Variants in CPAMD8 observed in about 807,000 individuals in gnomAD.
The protein encoded by CPAMD8 is C3 and PZP-like alpha-2-macroglobulin domain-containing protein 8.
In CPAMD8, 146 loss-of-function variants were observed where a neutral mutation model predicts 224.7. That is an observed-to-expected ratio of 0.65 (90% CI 0.57 to 0.75). The LOEUF (loss-of-function observed/expected upper bound fraction) is 0.75. Among genes scored for constraint, CPAMD8 ranks in the 30% least tolerant of loss-of-function variants. The pLI, the probability that CPAMD8 is intolerant of heterozygous loss-of-function variation, is 0.00. For synonymous variants in CPAMD8, 966 were observed against 1,044.6 expected, an observed-to-expected ratio of 0.92 and a Z score of 1.45; for missense variants, 2,301 against 2,537.5, an observed-to-expected ratio of 0.91 and a Z score of 2.00.
In CPAMD8 at chr19:16,957,689, G is replaced by A. The variant is rs2054515504; in HGVS notation, c.2276+164C>T. The A allele has an allele frequency of 4.3e-6, 3 of 690,220 alleles. No individual in the cohort carries two copies. In the East Asian group the frequency reaches 7.5e-5, roughly 17 times the overall value. 42.8% of individuals were successfully genotyped at this position (690,220 alleles called of 1,614,324 possible). ...CGTCCAAATGTGCAGCGGGACTCAA[G>A]GCTGGCTTCATGGCTTGAAGTTTTG... On this transcript the variant is annotated intron_variant, in intron 19 of 41. Transcript: ENST00000443236.
Position 16,904,464 on chromosome 19 carries a change from A to C in CPAMD8, c.4114+2T>G. 1 of 1,613,886 alleles carries C rather than the reference A, an allele frequency of 6.2e-7. No homozygotes were observed. The highest frequency in any genetic ancestry group is 8.5e-7 in the Non-Finnish European group (1 of 1,179,772). ...GCACCCGGGAGCTGGGGTGGCCAGT[A>C]CCTGACTGAGAGACCCTGTCACTGA... is the stretch of plus-strand genomic sequence containing the variant. On this transcript the variant is annotated splice_donor_variant, in intron 31 of 41. Coordinates refer to ENST00000443236, the MANE Select transcript of CPAMD8 (RefSeq NM_015692.5). LOFTEE classifies it high-confidence loss of function.
At position 16,896,059 on chromosome 19, in the gene CPAMD8, G is replaced by GGGGGTCGGGGCGGGGCGGA. The variant is rs1568442617; in HGVS notation, c.5426+98_5426+116dup. Reference sequence around the variant, plus strand: ...CCCTGAGTCACTCCCACTGCCAGTGGGGGGTCGGGGCGGGGCGGAGGAGTC... The same window carrying GGGGGTCGGGGCGGGGCGGA: ...CCCTGAGTCACTCCCACTGCCAGTGGGGGGTCGGGGCGGGGCGGAGGGGTCGGGGCGGGGCGGAGGAGTC... On this transcript the variant is annotated intron_variant, in intron 41 of 41. Coordinates refer to ENST00000443236, the MANE Select transcript of CPAMD8 (RefSeq NM_015692.5). 20 of 1,148,712 alleles carry GGGGGTCGGGGCGGGGCGGA rather than the reference G, an allele frequency of 1.7e-5. No individual in the cohort carries two copies. The East Asian group carries it at 4.3e-4, about 24-fold the overall frequency. The allele number at this position is 1,148,712 out of a possible 1,614,324, so 71.2% of individuals were successfully genotyped here.
intron 29 of CPAMD8, among the ~76,000 whole-genome samples, chr19:16,912,538 C>A (rs148751726): frequency 0.027 from 4,151 of 152,282 alleles, 72 homozygotes; most frequent in African/African-American, 0.048. Context: ...CACCTGAGGT[C>A]AGGAGTTTGA....
intron 21 of CPAMD8, among the ~76,000 whole-genome samples, chr19:16,946,345 A>G (rs537924844): frequency 7.2e-6 from 1 of 139,460 alleles, no homozygotes; most frequent in Non-Finnish European, 1.5e-5. Flanking sequence ...ATATGTATGT[A>G]TGTCTACACG....
intron 22 of CPAMD8, among the ~76,000 whole-genome samples, chr19:16,942,712 CT>C (rs2053942525): frequency 6.6e-6 from 1 of 152,200 alleles, no homozygotes; most frequent in Non-Finnish European, 1.5e-5. Flanking sequence ...CACTCTGCCC[CT>C]CTGCCGTGGC....
Position 16,945,349 on chromosome 19 carries a change from G to A in CPAMD8, c.2793+200C>T, listed in dbSNP as rs74784106. On this transcript the variant is annotated intron_variant, in intron 22 of 41. Transcript: ENST00000443236. ...GCTGCTTTACCGAAGCCCACTCTGC[G>A]CTTTAGGGAGGGAACGGACTACCAT... Among the ~76,000 whole-genome samples the A allele has an allele frequency of 1.1e-3, 164 of 152,266 alleles. 3 individuals are homozygous for A. The East Asian group carries it at 0.024, about 22-fold the overall frequency.
chr19:17,022,121 C>A lies in CPAMD8; in HGVS notation c.153G>T (p.Val51=). Residue 51 remains valine, a synonymous_variant, in exon 2 of 42, where the codon GTG becomes GTT. Transcript: ENST00000443236. The part of the protein sequence containing the change: ...FRAGVEEVIS[V]TIFNSPREVT... ...CTTCCCTTGGAGAGTTAAAGATGGT[C>A]ACGCTGATGACTTCCTCCACGCCCG... 1 of 1,607,312 alleles carries A rather than the reference C, an allele frequency of 6.2e-7. No individual in the cohort carries two copies. The highest frequency in any genetic ancestry group is 8.5e-7 in the Non-Finnish European group (1 of 1,176,700).
rs369025323 is a variant in CPAMD8 at position 16,997,227 on chromosome 19, C to T, written c.979G>A (p.Gly327Arg). The stretch of plus-strand genomic sequence containing the variant: ...TCATCGAACGCGACCTGCTGGCTCC[C>T]GTCCACACTGGTCACCATGGCCCAG... ...SIWAMVTSVD[G>R]SQQVAFDDST... Residue 327 changes from glycine to arginine, a missense_variant, in exon 11 of 42, where the codon GGG becomes AGG. Transcript: ENST00000443236. 5.1e-6 allele frequency: 8 copies of T among 1,561,234 alleles called. 1 individual carries two copies. The highest frequency in any genetic ancestry group is 4.5e-5 in the East Asian group (2 of 44,582).
intron 22 of CPAMD8, among the ~76,000 whole-genome samples, chr19:16,941,080 G>C (rs1231321132): frequency 6.6e-6 from 1 of 152,122 alleles, no homozygotes; most frequent in Non-Finnish European, 1.5e-5. Context: ...ACAGGTGCCT[G>C]CCACCACACC....
At chr19:16,997,796 G>T (rs1238019856) in intron 10 of CPAMD8, among the ~76,000 whole-genome samples, 1 of 151,956 alleles carries the variant, frequency 6.6e-6, no homozygotes, top group Non-Finnish European at 1.5e-5. Context: ...AGGTTGAGGT[G>T]AGCCTGAATT....
At chr19:16,935,510 T>A (rs2053658118) in intron 23 of CPAMD8, among the ~76,000 whole-genome samples, 1 of 152,198 alleles carries the variant, frequency 6.6e-6, no homozygotes, top group Admixed American at 6.5e-5. Flanking sequence ...AATTCATGTA[T>A]CTTTTGGGAT....
chr19:16,923,197 G>A (rs915374474), intron 26 of CPAMD8, among the ~76,000 whole-genome samples: 3 of 152,238 alleles, frequency 2.0e-5, no homozygotes, highest in Non-Finnish European at 2.9e-5. Context: ...TTTCCTGCAA[G>A]GGCATAGGGA....
chr19:16,893,646 A>G (rs2144659535), intron 41 of CPAMD8: 1 of 294,118 alleles, frequency 3.4e-6, no homozygotes, highest in East Asian at 5.6e-5. Context: ...GGCAGCTGGT[A>G]GGGCCCCCCA....
At chr19:16,903,064 T>C (rs907704504) in intron 34 of CPAMD8, among the ~76,000 whole-genome samples, 3 of 152,042 alleles carry the variant, frequency 2.0e-5, no homozygotes, top group African/African-American at 7.2e-5. Context: ...ATCAGACCAG[T>C]TTTATGGATC....
chr19:16,944,706 C>T (rs775475026), intron 22 of CPAMD8, among the ~76,000 whole-genome samples: 3 of 151,408 alleles, frequency 2.0e-5, no homozygotes, highest in Admixed American at 6.6e-5. Context: ...ATCACATCAA[C>T]GACACTACAG....
At chr19:16,994,469 C>T (rs978351593) in intron 11 of CPAMD8, among the ~76,000 whole-genome samples, 1 of 149,896 alleles carries the variant, frequency 6.7e-6, no homozygotes, top group African/African-American at 2.5e-5. Context: ...TATCTGGTGA[C>T]GGAGTGAACC....
At position 16,929,062 on chromosome 19, in the gene CPAMD8, G is replaced by C. The variant is rs1197906716; in HGVS notation, c.3024C>G (p.Thr1008=). The C allele has an allele frequency of 6.2e-7, 1 of 1,613,936 alleles. No homozygotes were observed. The change falls in exon 24 of 42, where the codon ACC becomes ACG. Residue 1008 remains threonine, a synonymous_variant. Coordinates refer to ENST00000443236, the MANE Select transcript of CPAMD8 (RefSeq NM_015692.5). ...TCTTGCTGGTGGAGATCCATGACCTGGTGTTCTGATGCCCCCCCAGGACGA... is the reference window on the plus strand; with the variant it reads ...TCTTGCTGGTGGAGATCCATGACCTCGTGTTCTGATGCCCCCCCAGGACGA... ...IEIVLGGHQN[T]RSWISTSKMG...
intron 35 of CPAMD8, 22 bp downstream of exon 35, chr19:16,902,627 C>G: frequency 3.2e-6 from 5 of 1,539,076 alleles, no homozygotes; most frequent in Non-Finnish European, 4.5e-6. Context: ...GATGCCCACG[C>G]CAGCAGGGCA....
In CPAMD8 at chr19:16,906,378, CTTTCTTTCTTTCT is replaced by C. The variant is rs1568459439; in HGVS notation, c.4027+561_4027+573del. On this transcript the variant is annotated intron_variant, in intron 30 of 41. Transcript: ENST00000443236. The stretch of plus-strand genomic sequence containing the variant: ...TCTTTCTTTCTTTCTTTCTTTCTTT[CTTTCTTTCTTTCT>C]TTCTTTCTTTCTTTCTTTCCTTCCT... Among the ~76,000 whole-genome samples, 547 of 71,640 alleles carry C rather than the reference CTTTCTTTCTTTCT, an allele frequency of 7.6e-3. 13 individuals carry two copies. Among genetic ancestry groups the C allele is most frequent in the Middle Eastern group, 0.03 (4 of 132 alleles). The allele number at this position is 71,640 out of a possible 152,430, so 47.0% of individuals were successfully genotyped here. A position where few individuals can be genotyped will look rare whatever the true frequency, so the allele number is the denominator to read the frequency against.
Sources: allele counts gnomAD v4.1 joint callset (sites outside exome capture counted in the v4.1 genomes callset), GRCh38; gene constraint gnomAD v4.1.1; transcripts MANE v1.5; gene names NCBI Gene and HGNC (gene_info 2026-07-23, HGNC 2026-07-21).